Variants in TBC1D15 observed in about 807,000 individuals in gnomAD.
TBC1D15 encodes TBC1 domain family member 15.
TBC1D15 carries 39 observed loss-of-function variants against 95.4 expected under a neutral mutation model. That is an observed-to-expected ratio of 0.41 (90% CI 0.32 to 0.53). The LOEUF is 0.53. Ranked by LOEUF, TBC1D15 falls within the 20% of genes least tolerant of loss-of-function variation. The probability of loss-of-function intolerance (pLI) is 0.29; values close to 1 mark genes in which losing one functional copy is unlikely to be tolerated. For synonymous variants in TBC1D15, 258 were observed against 261.3 expected (o/e 0.99, Z 0.12); for missense variants, 733 against 794.3 (o/e 0.92, Z 0.93).
At chr12:71,919,875 G>A (rs940975352) in intron 14 of TBC1D15, among the ~76,000 whole-genome samples, 8 of 152,100 alleles carry the variant, frequency 5.3e-5, no homozygotes, top group South Asian at 2.1e-4. Flanking sequence ...TTACCACATA[G>A]CTAGAATAAC....
chr12:71,901,443 A>G (rs1378303809), intron 10 of TBC1D15, among the ~76,000 whole-genome samples: 1 of 152,180 alleles, frequency 6.6e-6, no homozygotes, highest in Non-Finnish European at 1.5e-5. Flanking sequence ...GCCTATATTG[A>G]ATGTCTGTAA....
chr12:71,854,458 C>G (rs1015977895), intron 1 of TBC1D15: 3 of 426,070 alleles, frequency 7.0e-6, no homozygotes, highest in Non-Finnish European at 1.4e-5. Context: ...AATTTGTTCT[C>G]TTTGTTGTTA....
chr12:71,871,605 T>G (rs1211875811), intron 1 of TBC1D15, among the ~76,000 whole-genome samples: 4 of 152,228 alleles, frequency 2.6e-5, no homozygotes, highest in African/African-American at 9.6e-5. Context: ...TTTATAGAGA[T>G]GAGTTCTTGC....
intron 10 of TBC1D15, among the ~76,000 whole-genome samples, chr12:71,899,732 G>C (rs1898934162): frequency 6.6e-6 from 1 of 152,124 alleles, no homozygotes; most frequent in Admixed American, 6.5e-5. Flanking sequence ...CAAAGTAAGA[G>C]TAGGAATAGG....
At chr12:71,865,750 C>T (rs1002671807) in intron 1 of TBC1D15, among the ~76,000 whole-genome samples, 10 of 151,982 alleles carry the variant, frequency 6.6e-5, no homozygotes, top group Non-Finnish European at 4.4e-5. Flanking sequence ...GTGTTTCTCT[C>T]GGATATGGGG....
At chr12:71,890,069 C>A (rs1019188566) in intron 5 of TBC1D15, among the ~76,000 whole-genome samples, 1 of 151,856 alleles carries the variant, frequency 6.6e-6, no homozygotes, top group African/African-American at 2.4e-5. Flanking sequence ...TTATTTCATG[C>A]CTTTGCTATT....
At chr12:71,879,027 A>G (rs1026182352) in intron 3 of TBC1D15, among the ~76,000 whole-genome samples, 1 of 152,146 alleles carries the variant, frequency 6.6e-6, no homozygotes, top group Non-Finnish European at 1.5e-5. Context: ...TTTAAAAAAG[A>G]ATTATACTAT....
chr12:71,905,496 T>G (rs1027278621), intron 10 of TBC1D15, among the ~76,000 whole-genome samples: 13 of 152,190 alleles, frequency 8.5e-5, no homozygotes, highest in Admixed American at 7.8e-4. Context: ...TGGGTAATTT[T>G]TGTATTTTTT....
intron 11 of TBC1D15, among the ~76,000 whole-genome samples, chr12:71,910,042 G>A (rs961770558): frequency 6.6e-6 from 1 of 152,106 alleles, no homozygotes; most frequent in Admixed American, 6.5e-5. Flanking sequence ...TTTTGTATAA[G>A]GTGTAAGGAA....
intron 12 of TBC1D15, among the ~76,000 whole-genome samples, 154 bp downstream of exon 12, chr12:71,914,080 C>T (rs1245333875): frequency 6.6e-6 from 1 of 151,812 alleles, no homozygotes; most frequent in African/African-American, 2.4e-5. Flanking sequence ...AGTAGCCTTT[C>T]AAGGGCTTAG....
At chr12:71,855,244 C>T (rs968273773) in intron 1 of TBC1D15, among the ~76,000 whole-genome samples, 1 of 152,096 alleles carries the variant, frequency 6.6e-6, no homozygotes, top group Non-Finnish European at 1.5e-5. Flanking sequence ...AGTCACCTCC[C>T]ACTGGGTTCC....
Position 71,898,356 on chromosome 12 carries a change from A to G in TBC1D15, c.1183+415A>G, listed in dbSNP as rs541241292. On this transcript the variant is annotated intron_variant, in intron 10 of 16. Coordinates refer to ENST00000485960, the MANE Select transcript of TBC1D15 (RefSeq NM_001146213.3). ...TGTCACCCAGAGATAATTATGGTTA[A>G]TAGGTATTGGTTTATATCCCTTCAG... Among the ~76,000 whole-genome samples the G allele has an allele frequency of 5.2e-4, 79 of 152,216 alleles. No homozygotes were observed. In the South Asian group the frequency reaches 0.016, roughly 30 times the overall value.
intron 3 of TBC1D15, among the ~76,000 whole-genome samples, chr12:71,877,004 TTTCA>T (rs1028747323): frequency 6.6e-6 from 1 of 151,920 alleles, no homozygotes; most frequent in Non-Finnish European, 1.5e-5. Flanking sequence ...AGAGGCAAGG[TTTCA>T]CCATGTTGGC....
At chr12:71,859,357 G>A (rs1592709966) in intron 1 of TBC1D15, among the ~76,000 whole-genome samples, 1 of 152,138 alleles carries the variant, frequency 6.6e-6, no homozygotes, top group East Asian at 1.9e-4. Context: ...ACCCTTGTTG[G>A]ATGTATAGTT....
At chr12:71,841,638 T>C (rs1885038174) in intron 1 of TBC1D15, among the ~76,000 whole-genome samples, 1 of 152,220 alleles carries the variant, frequency 6.6e-6, no homozygotes, top group South Asian at 2.1e-4. Context: ...AGAGGTTTCT[T>C]AAATTTACTG....
At chr12:71,849,179 CAAA>C (rs1015053782) in intron 1 of TBC1D15, 20 of 187,312 alleles carry the variant, frequency 1.1e-4, no homozygotes, top group Non-Finnish European at 1.8e-4. Flanking sequence ...AAAAAAAAAA[CAAA>C]AAAAAAACAA....
intron 1 of TBC1D15, among the ~76,000 whole-genome samples, chr12:71,860,469 A>G: frequency 6.6e-6 from 1 of 152,126 alleles, no homozygotes; most frequent in East Asian, 1.9e-4. Flanking sequence ...CCTTGGTTAA[A>G]TTTATTCCTA....
At position 71,868,584 on chromosome 12, in the gene TBC1D15, CTTA is replaced by C. The variant is rs112526059; in HGVS notation, c.31-3480_31-3478del. On this transcript the variant is annotated intron_variant, in intron 1 of 16. Transcript: ENST00000485960. ...TTGTAAGGTGTCTGTCACTTTAATTCTTATTATTTCCCCAGCTAAACTACTTAG... is the reference window on the plus strand; with the variant it reads ...TTGTAAGGTGTCTGTCACTTTAATTCTTATTTCCCCAGCTAAACTACTTAG... 7.0e-3 allele frequency among the ~76,000 whole-genome samples: 1,061 copies of C among 152,116 alleles called. 6 individuals carry two copies. Among genetic ancestry groups the C allele is most frequent in the African/African-American group, 0.021 (891 of 41,498 alleles).
chr12:71,874,284 C>T (rs1456010009), intron 3 of TBC1D15, among the ~76,000 whole-genome samples: 1 of 152,184 alleles, frequency 6.6e-6, no homozygotes. Flanking sequence ...ACAATTCAAA[C>T]CATAACTGAA....
Sources: gnomAD v4.1 joint callset for allele counts (sites outside exome capture counted in the v4.1 genomes callset) on GRCh38, gnomAD v4.1.1 for gene constraint, MANE v1.5 for transcripts, NCBI Gene and HGNC (gene_info 2026-07-23, HGNC 2026-07-21) for gene names.